Variants in GRM3 observed in about 807,000 individuals in gnomAD.
GRM3 encodes glutamate metabotropic receptor 3, also known as metabotropic glutamate receptor 3.
A neutral mutation model predicts 70.5 loss-of-function variants in GRM3; 26 were observed. The ratio of observed to expected loss-of-function variants is 0.37; its 90% CI spans 0.27 to 0.51. GRM3 has a LOEUF of 0.51. Ranked by LOEUF, GRM3 falls within the 20% of genes least tolerant of loss-of-function variation. The pLI is 0.93. For missense variants in GRM3, 859 were observed against 1,123.8 expected, an observed-to-expected ratio of 0.76 and a Z score of 3.37; for synonymous variants, 443 against 434.9, an observed-to-expected ratio of 1.02 and a Z score of -0.23.
intron 3 of GRM3, among the ~76,000 whole-genome samples, chr7:86,827,583 G>C (rs1380823647): frequency 4.0e-5 from 6 of 151,052 alleles, no homozygotes; most frequent in Non-Finnish European, 7.4e-5. Flanking sequence ...GCCCTATCTC[G>C]GCTCATTGCA....
chr7:86,690,184 A>G (rs1794664762), intron 1 of GRM3, among the ~76,000 whole-genome samples: 1 of 152,108 alleles, frequency 6.6e-6, no homozygotes. Context: ...GAGAGTTCCA[A>G]GTAGAGGGAT....
chr7:86,709,904 CTT>C lies in GRM3; in HGVS notation c.-140-55100_-140-55099del, dbSNP rs989562055. ...AGAAGTGTGAATTATCTTTGGATGACTTTAAGGAAACATTTGTCCTTGTAGGG... is the reference window on the plus strand; with the variant it reads ...AGAAGTGTGAATTATCTTTGGATGACTAAGGAAACATTTGTCCTTGTAGGG... On this transcript the variant is annotated intron_variant, in intron 1 of 5. Coordinates refer to ENST00000361669, the MANE Select transcript of GRM3 (RefSeq NM_000840.3). 1.6e-4 allele frequency among the ~76,000 whole-genome samples: 25 copies of C among 152,194 alleles called. 1 individual carries two copies. The Middle Eastern group carries it at 0.01, about 62-fold the overall frequency.
chr7:86,770,581 T>C (rs1033550369), intron 2 of GRM3, among the ~76,000 whole-genome samples: 2 of 152,124 alleles, frequency 1.3e-5, no homozygotes, highest in African/African-American at 4.8e-5. Flanking sequence ...GACATCCCTC[T>C]ATTATACCCC....
Position 86,765,589 on chromosome 7 carries a change from C to A in GRM3, c.444C>A (p.Gly148=), listed in dbSNP as rs147379368. The A allele has an allele frequency of 6.2e-7, 1 of 1,613,014 alleles. No individual in the cohort carries two copies. Among genetic ancestry groups the A allele is most frequent in the African/African-American group, 1.3e-5 (1 of 74,846 alleles). ...IPLLIAGVIG[G]SYSSVSIQVA... is the part of the protein sequence containing the mutation. ...TTCTCATTGCAGGGGTCATTGGTGG[C>A]TCTTATAGCAGTGTTTCCATACAGG... The change falls in exon 2 of 6, where the codon GGC becomes GGA. Residue 148 remains glycine (G), a synonymous_variant. Transcript: ENST00000361669.
At chr7:86,860,486 T>C (rs1333002420) in intron 5 of GRM3, among the ~76,000 whole-genome samples, 1 of 152,082 alleles carries the variant, frequency 6.6e-6, no homozygotes, top group Non-Finnish European at 1.5e-5. Flanking sequence ...AAAATATAAG[T>C]TAGAGTTCCC....
chr7:86,718,216 T>A (rs1321050732), intron 1 of GRM3, among the ~76,000 whole-genome samples: 1 of 151,990 alleles, frequency 6.6e-6, no homozygotes, highest in Non-Finnish European at 1.5e-5. Context: ...CTGGCATTTA[T>A]CTTGGTATCA....
chr7:86,787,220 TA>T, intron 3 of GRM3, 104 bp downstream of exon 3: 1 of 963,910 alleles, frequency 1.0e-6, no homozygotes. Context: ...TTCAAAGCCA[TA>T]AAAAGGGTTC....
intron 1 of GRM3, among the ~76,000 whole-genome samples, chr7:86,696,303 G>T (rs1794815363): frequency 1.3e-5 from 2 of 152,142 alleles, no homozygotes; most frequent in African/African-American, 4.8e-5. Flanking sequence ...GCAATTACAA[G>T]GTTCCTTATA....
chr7:86,720,353 T>C (rs749567172), intron 1 of GRM3, among the ~76,000 whole-genome samples: 8 of 151,980 alleles, frequency 5.3e-5, no homozygotes, highest in South Asian at 2.1e-4. Flanking sequence ...GTACTTCAGG[T>C]ACCAGCAAGG....
chr7:86,823,209 C>A (rs966252517), intron 3 of GRM3, among the ~76,000 whole-genome samples: 1 of 152,212 alleles, frequency 6.6e-6, no homozygotes. Flanking sequence ...AGGTGCTGTT[C>A]ATGTTGTATA....
At chr7:86,713,035 T>C (rs1000790817) in intron 1 of GRM3, among the ~76,000 whole-genome samples, 2 of 152,066 alleles carry the variant, frequency 1.3e-5, no homozygotes, top group Non-Finnish European at 1.5e-5. Flanking sequence ...ATATTTAGCT[T>C]TTTGAGGAAC....
At chr7:86,764,971 T>C in intron 1 of GRM3, 35 bp from the exon 2 acceptor site, 2 of 1,408,674 alleles carry the variant, frequency 1.4e-6, no homozygotes, top group East Asian at 2.5e-5. Context: ...TTGCTTTCTT[T>C]ACCATTTTTG....
At chr7:86,863,104 T>C (rs1164877097) in intron 5 of GRM3, among the ~76,000 whole-genome samples, 4 of 152,060 alleles carry the variant, frequency 2.6e-5, no homozygotes, top group Admixed American at 2.6e-4. Context: ...TGGAACACCA[T>C]CTCTTTAACC....
intron 1 of GRM3, among the ~76,000 whole-genome samples, chr7:86,758,851 T>C (rs1008317863): frequency 1.6e-4 from 24 of 152,170 alleles, no homozygotes; most frequent in African/African-American, 5.8e-4. Context: ...TTTGGCCTCA[T>C]CACCATCCGT....
chr7:86,668,227 T>C (rs543297863), intron 1 of GRM3, among the ~76,000 whole-genome samples: 78 of 152,174 alleles, frequency 5.1e-4, no homozygotes, highest in Admixed American at 1.2e-3. Flanking sequence ...CCGTGCTTCC[T>C]TAGGATTCTT....
chr7:86,820,713 C>T (rs1036314870), intron 3 of GRM3, among the ~76,000 whole-genome samples: 1 of 152,086 alleles, frequency 6.6e-6, no homozygotes, highest in African/African-American at 2.4e-5. Context: ...TTATTAAATG[C>T]TAGGCATTAG....
rs185957068 is a variant in GRM3 at position 86,847,647 on chromosome 7, A to G, written c.2392-2723A>G. Reference sequence around the variant, plus strand: ...AGTAGAATAGATAACTAAGACAAAGAACAACCACTGAGGGAAAGATGTGTC... The same window carrying G: ...AGTAGAATAGATAACTAAGACAAAGGACAACCACTGAGGGAAAGATGTGTC... On this transcript the variant is annotated intron_variant, in intron 4 of 5. Transcript: ENST00000361669. Among the ~76,000 whole-genome samples the G allele has an allele frequency of 3.6e-4, 55 of 152,258 alleles. No homozygotes were observed. The East Asian group carries it at 9.7e-3, about 27-fold the overall frequency.
In GRM3 at chr7:86,786,363, G is replaced by C; in HGVS notation, c.571G>C (p.Val191Leu). ...GCGCTATGATTACTTTGCCAGGACC[G>C]TGCCCCCCGACTTCTACCAGGCCAA... ...KSRYDYFART[V>L]PPDFYQAKAM... Residue 191 changes from valine to leucine, a missense_variant, in exon 3 of 6, where the codon GTG becomes CTG. Val to Leu is a conservative substitution (Grantham distance 32, BLOSUM62 1). Coordinates refer to ENST00000361669, the MANE Select transcript of GRM3 (RefSeq NM_000840.3). The surrounding 1 kb of genome is among the most constrained non-coding windows in gnomAD (Gnocchi z 6.0). 6.2e-7 allele frequency: 1 copy of C among 1,614,112 alleles called. No individual in the cohort carries two copies. The highest frequency in any genetic ancestry group is 8.5e-7 in the Non-Finnish European group (1 of 1,180,012).
At chr7:86,733,359 G>C (rs914544484) in intron 1 of GRM3, among the ~76,000 whole-genome samples, 1 of 150,558 alleles carries the variant, frequency 6.6e-6, no homozygotes, top group African/African-American at 2.5e-5. Context: ...GCTCTCCCTA[G>C]ACTACTGGAT....
Sources: gnomAD v4.1 joint callset for allele counts (sites outside exome capture counted in the v4.1 genomes callset) on GRCh38, gnomAD v4.1.1 for gene constraint, Gnocchi (gnomAD v3.1) non-coding constraint, MANE v1.5 for transcripts, NCBI Gene and HGNC (gene_info 2026-07-23, HGNC 2026-07-21) for gene names.